GTF2E2: variants seen among roughly 807,000 people sequenced by gnomAD.
The protein encoded by GTF2E2 is transcription initiation factor IIE subunit beta.
A neutral mutation model predicts 40.5 loss-of-function variants in GTF2E2; 21 were observed. The ratio of observed to expected loss-of-function variants is 0.52; its 90% CI spans 0.37 to 0.75. The LOEUF is 0.75. Ranked by LOEUF, GTF2E2 falls within the 30% of genes least tolerant of loss-of-function variation. The probability of loss-of-function intolerance (pLI) is 0.00; values close to 1 mark genes in which losing one functional copy is unlikely to be tolerated. For missense variants in GTF2E2, 298 were observed against 338.4 expected, an observed-to-expected ratio of 0.88 and a Z score of 0.94; for synonymous variants, 117 against 121.6, an observed-to-expected ratio of 0.96 and a Z score of 0.25.
intron 6 of GTF2E2, among the ~76,000 whole-genome samples, chr8:30,581,750 C>T (rs187897527): frequency 2.0e-5 from 3 of 152,320 alleles, no homozygotes; most frequent in Non-Finnish European, 4.4e-5. Flanking sequence ...ATGATTGTCT[C>T]GGCCTCTCTA....
intron 3 of GTF2E2, among the ~76,000 whole-genome samples, chr8:30,621,611 G>A (rs1243611027): frequency 2.6e-5 from 4 of 152,092 alleles, no homozygotes. Context: ...GACTTTTGGT[G>A]TGCTGCCTTT....
intron 1 of GTF2E2, among the ~76,000 whole-genome samples, chr8:30,655,137 C>A (rs563816331): frequency 6.7e-6 from 1 of 150,072 alleles, no homozygotes; most frequent in South Asian, 2.1e-4. Flanking sequence ...GCAGAGGTTG[C>A]AGTAAGCTGA....
intron 2 of GTF2E2, chr8:30,643,658 T>TA (rs71206267): frequency 0.79 from 104,459 of 132,122 alleles, 41,355 homozygotes; most frequent in African/African-American, 0.88. Context: ...AGACTCTGCC[T>TA]AAAAAAAAAA....
chr8:30,623,926 A>G lies in GTF2E2; in HGVS notation c.259-9211T>C, dbSNP rs139667728. On this transcript the variant is annotated intron_variant, in intron 3 of 7. Transcript: ENST00000355904. The stretch of plus-strand genomic sequence containing the variant: ...CTGGATATCAGCCCTTTGTCAGATG[A>G]GTAGATTGGAAAAATTTTCTCCCAT... Among the ~76,000 whole-genome samples the G allele has an allele frequency of 3.1e-3, 464 of 151,630 alleles. 11 individuals are homozygous for G. The highest frequency in any genetic ancestry group is 0.011 in the African/African-American group (435 of 41,102).
At chr8:30,638,490 G>T (rs541885885) in intron 2 of GTF2E2, 1 of 152,612 alleles carries the variant, frequency 6.6e-6, no homozygotes, top group East Asian at 1.9e-4. Flanking sequence ...ACTCTTAAGG[G>T]TGGCAAGACT....
intron 2 of GTF2E2, among the ~76,000 whole-genome samples, chr8:30,648,461 G>C (rs901560830): frequency 2.0e-5 from 3 of 152,242 alleles, no homozygotes; most frequent in Non-Finnish European, 2.9e-5. Flanking sequence ...ACCGTGGCCT[G>C]AACTAGAGTG....
At chr8:30,614,804 T>C (rs774759787) in intron 3 of GTF2E2, 89 bp from the exon 4 acceptor site, 21 of 704,572 alleles carry the variant, frequency 3.0e-5, no homozygotes, top group Non-Finnish European at 4.7e-5. Context: ...CCTTCAGGAA[T>C]GAAAAACATG....
intron 2 of GTF2E2, among the ~76,000 whole-genome samples, chr8:30,649,388 T>C (rs1334180491): frequency 6.6e-6 from 1 of 151,424 alleles, no homozygotes; most frequent in Non-Finnish European, 1.5e-5. Flanking sequence ...AAATAATAAA[T>C]ACTGATGTGG....
intron 5 of GTF2E2, among the ~76,000 whole-genome samples, chr8:30,609,945 C>T (rs886776316): frequency 3.3e-5 from 5 of 152,168 alleles, no homozygotes; most frequent in Non-Finnish European, 7.3e-5. Context: ...TGAGACCTCC[C>T]CATAAGCTGA....
chr8:30,627,801 A>G (rs1801331774), intron 3 of GTF2E2, among the ~76,000 whole-genome samples: 3 of 152,240 alleles, frequency 2.0e-5, no homozygotes, highest in Non-Finnish European at 4.4e-5. Context: ...CAGAACACTG[A>G]AGCTGAAAGC....
At chr8:30,591,497 T>A (rs952060796) in intron 6 of GTF2E2, among the ~76,000 whole-genome samples, 6 of 150,216 alleles carry the variant, frequency 4.0e-5, no homozygotes, top group Admixed American at 2.6e-4. Flanking sequence ...AGTAAAAAAA[T>A]AAAATAAAAA....
chr8:30,595,949 C>G (rs1446157909), intron 6 of GTF2E2, among the ~76,000 whole-genome samples: 1 of 152,080 alleles, frequency 6.6e-6, no homozygotes, highest in Non-Finnish European at 1.5e-5. Flanking sequence ...GGATTTTCTC[C>G]CTTTTGGCCA....
chr8:30,614,503 A>G, intron 4 of GTF2E2, 105 bp downstream of exon 4: 1 of 627,706 alleles, frequency 1.6e-6, no homozygotes, highest in Non-Finnish European at 2.8e-6. Context: ...GGCTGAGATC[A>G]TGCCACTGCA....
At chr8:30,601,697 T>C (rs1236581619) in intron 6 of GTF2E2, among the ~76,000 whole-genome samples, 2 of 152,214 alleles carry the variant, frequency 1.3e-5, no homozygotes, top group African/African-American at 4.8e-5. Flanking sequence ...CTATTTAACA[T>C]ATATAAACAA....
chr8:30,641,150 T>C (rs1181256260), intron 2 of GTF2E2, among the ~76,000 whole-genome samples: 1 of 152,168 alleles, frequency 6.6e-6, no homozygotes, highest in East Asian at 1.9e-4. Flanking sequence ...TTAGAGAGTT[T>C]ACTTTTTTCA....
At position 30,629,394 on chromosome 8, in the gene GTF2E2, A is replaced by C. The variant is rs116300979; in HGVS notation, c.258+5638T>G. On this transcript the variant is annotated intron_variant, in intron 3 of 7. Coordinates refer to ENST00000355904, the MANE Select transcript of GTF2E2 (RefSeq NM_002095.6). ...TTCAGCATGTATCACAATCACTTGA[A>C]GGGCTTTTTTAAAAACAGACTGTTG... is the stretch of plus-strand genomic sequence containing the variant. Among the ~76,000 whole-genome samples, 837 of 152,222 alleles carry C rather than the reference A, an allele frequency of 5.5e-3. 10 individuals carry two copies. The highest frequency in any genetic ancestry group is 0.019 in the African/African-American group (780 of 41,536).
chr8:30,645,240 T>C (rs1419141919), intron 2 of GTF2E2: 17 of 1,411,436 alleles, frequency 1.2e-5, no homozygotes, highest in Non-Finnish European at 1.6e-5. Context: ...TTAACAGATC[T>C]GTAGTTTGCT....
At chr8:30,618,903 T>C (rs1801004194) in intron 3 of GTF2E2, among the ~76,000 whole-genome samples, 1 of 152,176 alleles carries the variant, frequency 6.6e-6, no homozygotes, top group South Asian at 2.1e-4. Context: ...AAAACTGTCA[T>C]ATCTGCATAT....
intron 3 of GTF2E2, among the ~76,000 whole-genome samples, chr8:30,632,364 CTATT>C (rs1412311374): frequency 1.3e-5 from 2 of 152,002 alleles, no homozygotes; most frequent in Non-Finnish European, 2.9e-5. Context: ...ATCTGGTAAT[CTATT>C]TATTTGAAAT....
Sources: gnomAD v4.1 joint callset for allele counts (sites outside exome capture counted in the v4.1 genomes callset) on GRCh38, gnomAD v4.1.1 for gene constraint, MANE v1.5 for transcripts, NCBI Gene and HGNC (gene_info 2026-07-23, HGNC 2026-07-21) for gene names.